The following MED27 variants were observed in gnomAD, a reference collection of about 807,000 sequenced individuals.
The protein encoded by MED27 is mediator complex subunit 27.
In MED27, 30 loss-of-function variants were observed where a neutral mutation model predicts 38.2. The observed-to-expected ratio is 0.79, with a 90% CI of 0.59 to 1.07. The LOEUF is 1.07. Ranked by LOEUF, MED27 falls within the 50% of genes least tolerant of loss-of-function variation. The pLI is 0.00. For synonymous variants in MED27, 122 were observed against 153.5 expected (o/e 0.79, Z 1.52); for missense variants, 289 against 397.5 (o/e 0.73, Z 2.32).
chr9:131,987,073 T>C (rs1831869027), intron 3 of MED27, among the ~76,000 whole-genome samples: 1 of 134,244 alleles, frequency 7.4e-6, no homozygotes, highest in South Asian at 2.6e-4. Context: ...CAGTATAAAA[T>C]TATTGGGTCA....
At chr9:131,965,307 G>A (rs184612544) in intron 3 of MED27, among the ~76,000 whole-genome samples, 2 of 152,174 alleles carry the variant, frequency 1.3e-5, no homozygotes, top group Non-Finnish European at 1.5e-5. Context: ...CTTCTAGCGC[G>A]AGGCCATGGC....
chr9:131,943,996 G>C (rs763842322), intron 3 of MED27, among the ~76,000 whole-genome samples: 9 of 152,132 alleles, frequency 5.9e-5, no homozygotes, highest in African/African-American at 1.2e-4. Flanking sequence ...CCTAGCTGCG[G>C]TAAGACTCTC....
intron 3 of MED27, among the ~76,000 whole-genome samples, chr9:131,996,340 G>A (rs962994757): frequency 1.3e-5 from 2 of 152,194 alleles, no homozygotes; most frequent in African/African-American, 4.8e-5. Context: ...GACCTGCCAG[G>A]GATGAAGTGC....
chr9:132,069,069 A>T (rs539306578), intron 2 of MED27, among the ~76,000 whole-genome samples: 2 of 152,342 alleles, frequency 1.3e-5, no homozygotes, highest in Admixed American at 1.3e-4. Context: ...TCTATTCAAC[A>T]TTCCTGGAAG....
At chr9:131,921,503 A>G (rs1166194712) in intron 4 of MED27, among the ~76,000 whole-genome samples, 1 of 152,246 alleles carries the variant, frequency 6.6e-6, no homozygotes, top group Non-Finnish European at 1.5e-5. Context: ...TAAAATGGCG[A>G]TAATTAAAAA....
chr9:131,969,129 A>C (rs375780790), intron 3 of MED27, among the ~76,000 whole-genome samples: 4 of 152,202 alleles, frequency 2.6e-5, no homozygotes, highest in East Asian at 1.9e-4. Flanking sequence ...AATAAAGCGC[A>C]CAATGAACGT....
chr9:132,039,855 G>A (rs982693046), intron 2 of MED27, among the ~76,000 whole-genome samples: 3 of 152,146 alleles, frequency 2.0e-5, no homozygotes, highest in Non-Finnish European at 2.9e-5. Flanking sequence ...GACACCACTC[G>A]CCTCTGTGAC....
chr9:131,914,859 C>T (rs563342978), intron 4 of MED27, among the ~76,000 whole-genome samples: 23 of 152,300 alleles, frequency 1.5e-4, no homozygotes, highest in African/African-American at 4.6e-4. Context: ...TCTGGATATG[C>T]TTCTCAGGAA....
chr9:132,018,921 T>A lies in MED27; in HGVS notation c.349-4454A>T, dbSNP rs200737414. 2.5e-3 allele frequency among the ~76,000 whole-genome samples: 372 copies of A among 146,586 alleles called. 4 individuals carry two copies. Among genetic ancestry groups the A allele is most frequent in the African/African-American group, 7.9e-3 (321 of 40,848 alleles). ...GTTATGATTCACTTTATTTTTTTTT[T>A]AAATCACTTTGCATATAATTACATA... On this transcript the variant is annotated intron_variant, in intron 2 of 7. Coordinates refer to ENST00000292035, the MANE Select transcript of MED27 (RefSeq NM_004269.4).
At chr9:132,019,999 ACT>A (rs1444950501) in intron 2 of MED27, among the ~76,000 whole-genome samples, 1 of 152,128 alleles carries the variant, frequency 6.6e-6, no homozygotes, top group Non-Finnish European at 1.5e-5. Context: ...GAAGTTTTAA[ACT>A]CTGTTGTCTT....
At chr9:131,962,538 G>A (rs944332525) in intron 3 of MED27, among the ~76,000 whole-genome samples, 14 of 113,124 alleles carry the variant, frequency 1.2e-4, no homozygotes, top group Non-Finnish European at 1.9e-4. Flanking sequence ...TGTGCCTGGC[G>A]TGTGATTTTT....
chr9:131,992,304 G>C (rs558604288), intron 3 of MED27, among the ~76,000 whole-genome samples: 1 of 152,278 alleles, frequency 6.6e-6, no homozygotes, highest in Admixed American at 6.5e-5. Flanking sequence ...CAGAATCTTT[G>C]AGATGTGAAC....
intron 4 of MED27, among the ~76,000 whole-genome samples, chr9:131,922,262 G>A (rs983277696): frequency 1.3e-5 from 2 of 151,910 alleles, no homozygotes; most frequent in African/African-American, 2.4e-5. Context: ...GCAATATACC[G>A]TGAGCTATTC....
intron 2 of MED27, 100 bp from the exon 3 acceptor site, chr9:132,014,567 A>G: frequency 8.1e-7 from 1 of 1,233,062 alleles, no homozygotes. Context: ...TTATCCCCTT[A>G]GAACATTTTA....
chr9:131,971,364 G>A (rs776796447), intron 3 of MED27, among the ~76,000 whole-genome samples: 55 of 152,218 alleles, frequency 3.6e-4, no homozygotes, highest in Non-Finnish European at 5.4e-4. Flanking sequence ...AGGACAGGGG[G>A]AGAGAGAGGG....
intron 4 of MED27, among the ~76,000 whole-genome samples, chr9:131,925,775 T>G (rs1195301338): frequency 6.6e-6 from 1 of 152,136 alleles, no homozygotes; most frequent in East Asian, 1.9e-4. Context: ...CAGCAGCTCC[T>G]GCGGGGGCGG....
At chr9:132,074,143 A>G (rs1833999228) in intron 2 of MED27, among the ~76,000 whole-genome samples, 1 of 152,210 alleles carries the variant, frequency 6.6e-6, no homozygotes, top group Admixed American at 6.5e-5. Context: ...TCCTTCTCAC[A>G]ACAATTATCT....
chr9:131,916,783 A>T (rs1390224811), intron 4 of MED27, among the ~76,000 whole-genome samples: 1 of 152,196 alleles, frequency 6.6e-6, no homozygotes, highest in Non-Finnish European at 1.5e-5. Context: ...TGTGCACAGC[A>T]ATATATGATA....
intron 2 of MED27, among the ~76,000 whole-genome samples, chr9:132,074,420 G>A (rs1834004297): frequency 6.6e-6 from 1 of 152,180 alleles, no homozygotes; most frequent in African/African-American, 2.4e-5. Flanking sequence ...TCTCATAATG[G>A]ATGGGTATCA....
Sources: allele counts gnomAD v4.1 joint callset (sites outside exome capture counted in the v4.1 genomes callset), GRCh38; gene constraint gnomAD v4.1.1; transcripts MANE v1.5; gene names NCBI Gene and HGNC (gene_info 2026-07-23, HGNC 2026-07-21).